Variants in SCN1A observed in about 807,000 individuals in gnomAD.
SCN1A encodes sodium channel protein type 1 subunit alpha.
Under a neutral mutation model 193.7 loss-of-function variants are expected in SCN1A, and 13 were observed. The ratio of observed to expected loss-of-function variants is 0.07; its 90% CI spans 0.04 to 0.11. The LOEUF (loss-of-function observed/expected upper bound fraction) is 0.11. Among genes scored for constraint, SCN1A ranks in the 10% least tolerant of loss-of-function variants. SCN1A has a pLI of 1.00. For synonymous variants in SCN1A, 781 were observed against 843.6 expected, an observed-to-expected ratio of 0.93 and a Z score of 1.29; for missense variants, 1,432 against 2,451.1, an observed-to-expected ratio of 0.58 and a Z score of 8.78.
In SCN1A at chr2:166,041,272, T is replaced by C. The variant is rs1224866991; in HGVS notation, c.2374A>G (p.Met792Val). ...TLFMAMEHYP[M>V]TDHFNNVLTV... ...AGCACATTATTGAAATGGTCCGTCA[T>C]TGGATAGTGCTCCATGGCCATGAAA... The change falls in exon 16 of 29, where the codon ATG (methionine) becomes GTG (valine). Residue 792 changes from methionine to valine, a missense_variant. By Grantham distance (21) the Met-to-Val change is conservative. Around this residue, in one of 18 missense-constraint regions of SCN1A, gnomAD observed 93 missense variants for 260.4 expected, o/e 0.36. Coordinates refer to ENST00000674923, the MANE Select transcript of SCN1A (RefSeq NM_001165963.4). 1 of 1,613,998 alleles carries C rather than the reference T, an allele frequency of 6.2e-7. No homozygotes were observed. Among genetic ancestry groups the C allele is most frequent in the Non-Finnish European group, 8.5e-7 (1 of 1,179,902 alleles).
intron 4 of SCN1A, among the ~76,000 whole-genome samples, chr2:166,072,237 A>G (rs974330130): frequency 2.0e-5 from 3 of 151,498 alleles, no homozygotes; most frequent in South Asian, 2.1e-4. Flanking sequence ...GCATTGTGTC[A>G]AGTGATAAAG....
intron 4 of SCN1A, among the ~76,000 whole-genome samples, chr2:166,066,653 T>C (rs930473600): frequency 6.6e-6 from 1 of 152,120 alleles, no homozygotes. Context: ...AAACTTCCTA[T>C]CTAAGAAAAT....
At position 165,987,151 on chromosome 2, in the gene SCN1A, T is replaced by C. The variant is rs1326714143; in HGVS notation, c.*4094A>G. On this transcript the variant is annotated 3_prime_UTR_variant, in exon 29 of 29. Transcript: ENST00000674923. ...TAAGGAGTTCAGTCCACTTATTTTA[T>C]AGAGTGTCCTCAATTTGATTTTCCT... 2.6e-5 allele frequency: 4 copies of C among 152,160 alleles called. No homozygotes were observed. The highest frequency in any genetic ancestry group is 5.9e-5 in the Non-Finnish European group (4 of 68,014). 9.4% of individuals were successfully genotyped at this position (152,160 alleles called of 1,614,324 possible). A position where few individuals can be genotyped will look rare whatever the true frequency, so the allele number is the denominator to read the frequency against.
intron 2 of SCN1A, chr2:166,081,674 C>T (rs1418203222): frequency 6.6e-6 from 1 of 151,742 alleles, no homozygotes; most frequent in Non-Finnish European, 1.5e-5. Context: ...AATACCATAA[C>T]TAAGGTAATG....
chr2:165,994,651 A>AAACAAAC (rs1689765239), intron 27 of SCN1A, among the ~76,000 whole-genome samples: 1 of 33,724 alleles, frequency 3.0e-5, no homozygotes, highest in African/African-American at 1.6e-4. Flanking sequence ...TTTCTGATAA[A>AAACAAAC]AACAAACAAA....
upstream of SCN1A, among the ~76,000 whole-genome samples, chr2:166,131,685 A>G (rs1444440171): frequency 6.6e-6 from 1 of 152,230 alleles, no homozygotes; most frequent in Non-Finnish European, 1.5e-5. Context: ...TGTAATTAGT[A>G]TCTGAATATT....
chr2:166,106,550 C>T (rs553717398), intron 2 of SCN1A, among the ~76,000 whole-genome samples: 136 of 152,114 alleles, frequency 8.9e-4, no homozygotes, highest in African/African-American at 3.1e-3. Flanking sequence ...GTGGGTGGGC[C>T]TTCAGAAGGA....
chr2:166,133,590 A>C (rs139412244), intron 1 of SCN1A, among the ~76,000 whole-genome samples: 2 of 152,282 alleles, frequency 1.3e-5, no homozygotes, highest in East Asian at 3.9e-4. Flanking sequence ...GCACTTCAAA[A>C]ATTACTATAG....
intron 4 of SCN1A, among the ~76,000 whole-genome samples, chr2:166,072,206 T>C (rs1684500853): frequency 6.6e-6 from 1 of 152,142 alleles, no homozygotes; most frequent in Admixed American, 6.5e-5. Context: ...GTGCCCTACC[T>C]TTCCACTAAG....
intron 2 of SCN1A, among the ~76,000 whole-genome samples, chr2:166,094,678 C>T (rs138244011): frequency 1.5e-3 from 223 of 152,278 alleles, no homozygotes; most frequent in African/African-American, 4.4e-3. Context: ...TTAGTTGCTA[C>T]GCATGGAGTA....
Position 166,044,482 on chromosome 2 carries a change from T to A in SCN1A, c.1663-433A>T, listed in dbSNP as rs115743028. Among the ~76,000 whole-genome samples, 3 of 152,204 alleles carry A rather than the reference T, an allele frequency of 2.0e-5. No homozygotes were observed. In the South Asian group the frequency reaches 6.2e-4, roughly 31 times the overall value. ...TTTCAACACTCCTCACAATTTACTT[T>A]AGTCCACCTTTCTAAAATCACTTTA... On this transcript the variant is annotated intron_variant, in intron 13 of 28. Transcript: ENST00000674923.
rs556893466 is a variant in SCN1A, at chr2:165,991,477, C to G, written c.5798G>C (p.Arg1933Pro). Reference sequence around the variant, plus strand: ...CGTAAAGGAAGCTTGTTTTACAGTTCGCTTTAAAAGGTGGCGTCTGTAAGC... The same window carrying G: ...CGTAAAGGAAGCTTGTTTTACAGTTGGCTTTAAAAGGTGGCGTCTGTAAGC... ...QRAYRRHLLK[R>P]TVKQASFTYN... The change falls in exon 29 of 29, where the codon CGA becomes CCA. Residue 1933 changes from arginine to proline, a missense_variant. Coordinates refer to ENST00000674923, the MANE Select transcript of SCN1A (RefSeq NM_001165963.4). 4 of 1,613,658 alleles carry G rather than the reference C, an allele frequency of 2.5e-6. No individual in the cohort carries two copies. Among genetic ancestry groups the G allele is most frequent in the Non-Finnish European group, 1.7e-6 (2 of 1,179,848 alleles).
At position 166,137,316 on chromosome 2, in the gene SCN1A, A is replaced by G. The variant is rs186154984; in HGVS notation, c.-50+11731T>C. Among the ~76,000 whole-genome samples the G allele has an allele frequency of 5.9e-5, 9 of 152,332 alleles. No homozygotes were observed. In the East Asian group the frequency reaches 1.3e-3, roughly 23 times the overall value. On this transcript the variant is annotated intron_variant, in intron 1 of 26. Coordinates refer to the SCN1A transcript ENST00000635750. ...GATAAAAGATTCTATTTAATACCCT[A>G]ACCCTTAATACAGTGCCTAGTATAT... is the stretch of plus-strand genomic sequence containing the variant.
intron 2 of SCN1A, among the ~76,000 whole-genome samples, chr2:166,106,595 C>T (rs1361132892): frequency 6.6e-6 from 1 of 152,050 alleles, no homozygotes; most frequent in East Asian, 1.9e-4. Context: ...TCTGTGTTGG[C>T]AGTGTGCGGT....
intron 12 of SCN1A, 65 bp downstream of exon 12, chr2:166,046,705 C>T: frequency 6.6e-7 from 1 of 1,521,178 alleles, no homozygotes; most frequent in Non-Finnish European, 9.1e-7. Flanking sequence ...TACTCACTTT[C>T]TCTTCAATAT....
rs41265139 is a variant in SCN1A at position 166,036,655 on chromosome 2, C to A, written c.2947-125G>T. ...GTTCTAAAACTTGATGAGAAGGAAACACCACAGCATAGTGATTAGAAGATG... is the reference window on the plus strand; with the variant it reads ...GTTCTAAAACTTGATGAGAAGGAAAAACCACAGCATAGTGATTAGAAGATG... On this transcript the variant is annotated intron_variant, in intron 18 of 28. Coordinates refer to ENST00000674923, the MANE Select transcript of SCN1A (RefSeq NM_001165963.4). 13,215 of 915,744 alleles carry A rather than the reference C, an allele frequency of 0.014. 149 individuals carry two copies. Among genetic ancestry groups the A allele is most frequent in the Non-Finnish European group, 0.019 (11,586 of 601,548 alleles). The allele number at this position is 915,744 out of a possible 1,614,324, so 56.7% of individuals were successfully genotyped here. A position where few individuals can be genotyped will look rare whatever the true frequency, so the allele number is the denominator to read the frequency against.
chr2:165,988,084 G>A lies in SCN1A; in HGVS notation c.*3161C>T, dbSNP rs1677708143. 2 of 152,004 alleles carry A rather than the reference G, an allele frequency of 1.3e-5. No individual in the cohort carries two copies. The highest frequency in any genetic ancestry group is 1.3e-4 in the Admixed American group (2 of 15,238). The allele number at this position is 152,004 out of a possible 1,614,324, so 9.4% of individuals were successfully genotyped here. A position where few individuals can be genotyped will look rare whatever the true frequency, so the allele number is the denominator to read the frequency against. On this transcript the variant is annotated 3_prime_UTR_variant, in exon 29 of 29. Transcript: ENST00000674923. ...TCTTCTGGCTTCACCTGATGACAAG[G>A]GAAGGCTTCTCGTTCCTCAGAAATT...
chr2:166,128,611 TTACATTCTTA>T (rs1691492229), upstream of SCN1A, among the ~76,000 whole-genome samples: 1 of 152,176 alleles, frequency 6.6e-6, no homozygotes, highest in Non-Finnish European at 1.5e-5. Flanking sequence ...CTATGGACAT[TTACATTCTTA>T]CTATCTTCAT....
downstream of SCN1A, chr2:165,985,286 G>A (rs1032046752): frequency 6.7e-6 from 1 of 148,920 alleles, no homozygotes; most frequent in South Asian, 2.1e-4. Context: ...GGAAGGAGAG[G>A]GAGAGAGGAA....
Sources: allele counts gnomAD v4.1 joint callset (sites outside exome capture counted in the v4.1 genomes callset), GRCh38; gene constraint gnomAD v4.1.1; regional missense constraint gnomAD v4.1.1; transcripts MANE v1.5; gene names NCBI Gene and HGNC (gene_info 2026-07-23, HGNC 2026-07-21).